The following SNTB1 variants were observed in gnomAD, a reference collection of about 807,000 sequenced individuals.
The protein encoded by SNTB1 is beta-1-syntrophin.
Under a neutral mutation model 48.9 loss-of-function variants are expected in SNTB1, and 36 were observed. That is an observed-to-expected ratio of 0.74 (90% CI 0.56 to 0.97). The LOEUF (loss-of-function observed/expected upper bound fraction) is 0.97. Among genes scored for constraint, SNTB1 ranks in the 50% least tolerant of loss-of-function variants. SNTB1 has a pLI of 0.00. For missense variants in SNTB1, 786 were observed against 703.4 expected (o/e 1.12, Z -1.33); for synonymous variants, 299 against 294.6 (o/e 1.01, Z -0.15).
intron 1 of SNTB1, among the ~76,000 whole-genome samples, chr8:120,719,050 A>T (rs1301865972): frequency 1.3e-5 from 2 of 152,356 alleles, no homozygotes; most frequent in East Asian, 3.9e-4. Flanking sequence ...GAGGGACTGA[A>T]TAGAGAAGGA....
chr8:120,704,954 A>G (rs1818357488), intron 1 of SNTB1, among the ~76,000 whole-genome samples: 1 of 152,340 alleles, frequency 6.6e-6, no homozygotes, highest in African/African-American at 2.4e-5. Context: ...TATGATTCCC[A>G]TAAGAAAGTA....
intron 2 of SNTB1, chr8:120,654,824 C>T (rs747890465): frequency 2.6e-5 from 9 of 349,488 alleles, no homozygotes; most frequent in Admixed American, 1.2e-4. Context: ...CCTCCTACTA[C>T]GAAATTAATA....
chr8:120,575,313 G>T, intron 3 of SNTB1, 88 bp from the exon 4 acceptor site: 1 of 1,444,340 alleles, frequency 6.9e-7, no homozygotes, highest in Non-Finnish European at 9.6e-7. Flanking sequence ...AGAGGACTCA[G>T]CAATACATTG....
In SNTB1 at chr8:120,541,965, T is replaced by A; in HGVS notation, c.1369A>T (p.Ile457Leu). 6.2e-7 allele frequency: 1 copy of A among 1,613,916 alleles called. No individual in the cohort carries two copies. The highest frequency in any genetic ancestry group is 1.7e-5 in the Admixed American group (1 of 60,000). The change falls in exon 6 of 7, where the codon ATA becomes TTA. Residue 457 changes from isoleucine (I) to leucine (L), a missense_variant. Coordinates refer to ENST00000517992, the MANE Select transcript of SNTB1 (RefSeq NM_021021.4). ...TYKNQECRLT[I>L]HYENGFSITT... ...ATAGAAAATCCATTCTCATAATGTA[T>A]GGTCAAACGGCACTCCTGGTTTTTG... is the stretch of plus-strand genomic sequence containing the variant.
At position 120,536,341 on chromosome 8, in the gene SNTB1, G is replaced by C. The variant is rs1397533214; in HGVS notation, c.*2536C>G. The C allele has an allele frequency of 6.6e-6, 1 of 152,300 alleles. No individual in the cohort carries two copies. The highest frequency in any genetic ancestry group is 1.9e-4 in the East Asian group (1 of 5,180). 9.4% of individuals were successfully genotyped at this position (152,300 alleles called of 1,614,324 possible). ...AATAATTCATGGGATTGAGCACAGA[G>C]CAAATTGGACAAAAACAAATTCCTC... On this transcript the variant is annotated 3_prime_UTR_variant, in exon 7 of 7. Coordinates refer to ENST00000517992, the MANE Select transcript of SNTB1 (RefSeq NM_021021.4).
At chr8:120,806,411 CTCTT>C (rs1248964766) in intron 1 of SNTB1, among the ~76,000 whole-genome samples, 1 of 152,332 alleles carries the variant, frequency 6.6e-6, no homozygotes, top group Non-Finnish European at 1.5e-5. Flanking sequence ...GAGCATCTAA[CTCTT>C]TCATTATGAC....
chr8:120,683,049 T>A (rs1039765652), intron 2 of SNTB1, among the ~76,000 whole-genome samples: 3 of 151,854 alleles, frequency 2.0e-5, no homozygotes, highest in Admixed American at 2.0e-4. Context: ...GCCTGGCTAA[T>A]TTTTTGTATT....
intron 2 of SNTB1, among the ~76,000 whole-genome samples, chr8:120,674,252 A>C (rs1587080026): frequency 2.6e-5 from 4 of 152,258 alleles, no homozygotes; most frequent in South Asian, 2.1e-4. Context: ...TTCCTGGGTC[A>C]CCCTTGTGTT....
At chr8:120,588,021 C>G (rs1426366949) in intron 3 of SNTB1, among the ~76,000 whole-genome samples, 1 of 152,020 alleles carries the variant, frequency 6.6e-6, no homozygotes, top group Non-Finnish European at 1.5e-5. Context: ...AAAAAGCTAT[C>G]TTTTGAAAGG....
chr8:120,735,598 GAGAA>G (rs775808528), intron 1 of SNTB1, among the ~76,000 whole-genome samples: 1 of 152,170 alleles, frequency 6.6e-6, no homozygotes, highest in Non-Finnish European at 1.5e-5. Context: ...TATGTACACA[GAGAA>G]AGGCCATGTG....
intron 2 of SNTB1, among the ~76,000 whole-genome samples, chr8:120,643,789 G>T (rs28393957): frequency 0.03 from 4,528 of 152,258 alleles, 199 homozygotes; most frequent in African/African-American, 0.096. Flanking sequence ...CCAGTCATGG[G>T]ATTGCTGGAT....
chr8:120,704,106 T>C (rs996107611), intron 1 of SNTB1, among the ~76,000 whole-genome samples: 1 of 152,222 alleles, frequency 6.6e-6, no homozygotes, highest in African/African-American at 2.4e-5. Context: ...CAAATGTTCA[T>C]GTCTGAAACC....
intron 1 of SNTB1, among the ~76,000 whole-genome samples, chr8:120,729,643 T>A (rs1818819283): frequency 6.6e-6 from 1 of 152,240 alleles, no homozygotes. Flanking sequence ...GTAGCTATAA[T>A]TACAATTGCT....
chr8:120,670,256 G>A (rs1466125145), intron 2 of SNTB1, among the ~76,000 whole-genome samples: 1 of 152,174 alleles, frequency 6.6e-6, no homozygotes, highest in African/African-American at 2.4e-5. Context: ...GCTTTGGAAG[G>A]GGTTTGAAGA....
chr8:120,605,396 G>A (rs13251609), intron 3 of SNTB1, among the ~76,000 whole-genome samples: 72,917 of 152,082 alleles, frequency 0.48, 19,952 homozygotes, highest in Non-Finnish European at 0.64. Context: ...GCTAACAGCT[G>A]GGAATCTGTA....
chr8:120,778,186 C>T (rs1178442902), intron 1 of SNTB1, among the ~76,000 whole-genome samples: 1 of 152,204 alleles, frequency 6.6e-6, no homozygotes, highest in Admixed American at 6.5e-5. Context: ...AAGTTCACTT[C>T]GGGCTTAGAT....
intron 2 of SNTB1, chr8:120,637,701 C>T: frequency 4.7e-6 from 2 of 429,382 alleles, no homozygotes; most frequent in Non-Finnish European, 4.5e-6. Context: ...TTCATGGCTG[C>T]ACTTATGCCT....
chr8:120,810,239 T>A (rs1167830737), intron 1 of SNTB1, among the ~76,000 whole-genome samples: 1 of 152,148 alleles, frequency 6.6e-6, no homozygotes, highest in Admixed American at 6.5e-5. Flanking sequence ...TACACGTTAT[T>A]AGTGCTGACA....
At chr8:120,720,662 C>T (rs1247874434) in intron 1 of SNTB1, among the ~76,000 whole-genome samples, 1 of 152,186 alleles carries the variant, frequency 6.6e-6, no homozygotes, top group African/African-American at 2.4e-5. Flanking sequence ...TTTGCAAACC[C>T]ACACTGTAAA....
Sources: allele counts gnomAD v4.1 joint callset (sites outside exome capture counted in the v4.1 genomes callset), GRCh38; gene constraint gnomAD v4.1.1; transcripts MANE v1.5; gene names NCBI Gene and HGNC (gene_info 2026-07-23, HGNC 2026-07-21).